Variants in ZNF644 observed in about 807,000 individuals in gnomAD.
The protein encoded by ZNF644 is zinc finger motif enhancer binding protein 2.
A neutral mutation model predicts 108.0 loss-of-function variants in ZNF644; 20 were observed. The observed-to-expected ratio is 0.19, with a 90% confidence interval of 0.13 to 0.27. ZNF644 has a LOEUF of 0.27. Among genes scored for constraint, ZNF644 ranks in the 10% least tolerant of loss-of-function variants. ZNF644 has a pLI of 1.00. For synonymous variants in ZNF644, 542 were observed against 539.1 expected (o/e 1.01, Z -0.08); for missense variants, 1,338 against 1,548.9 (o/e 0.86, Z 2.29).
At chr1:90,993,562 C>T (rs780431278) in intron 1 of ZNF644, among the ~76,000 whole-genome samples, 1 of 152,164 alleles carries the variant, frequency 6.6e-6, no homozygotes, top group Non-Finnish European at 1.5e-5. Context: ...TCTATCTTAA[C>T]AATACCATAA....
chr1:90,941,399 G>A, intron 2 of ZNF644, 90 bp from the exon 3 acceptor site: 1 of 1,180,724 alleles, frequency 8.5e-7, no homozygotes, highest in Admixed American at 2.6e-5. Context: ...ATTTTTATTA[G>A]TTTAATTTTC....
chr1:90,932,510 G>C (rs1650849190), intron 4 of ZNF644, among the ~76,000 whole-genome samples: 1 of 151,990 alleles, frequency 6.6e-6, no homozygotes, highest in African/African-American at 2.4e-5. Flanking sequence ...ATGTGTTCTT[G>C]AAAAATGATG....
intron 2 of ZNF644, among the ~76,000 whole-genome samples, chr1:90,974,865 C>G (rs648643): frequency 2.2e-4 from 34 of 152,332 alleles, no homozygotes; most frequent in Middle Eastern, 3.4e-3. Context: ...AATAGCCCAG[C>G]CTTACTCTCT....
chr1:90,942,927 C>T (rs1489976248), intron 2 of ZNF644, among the ~76,000 whole-genome samples: 1 of 152,064 alleles, frequency 6.6e-6, no homozygotes, highest in Non-Finnish European at 1.5e-5. Flanking sequence ...GTAAACAAGA[C>T]AAGTTAGGTT....
Position 90,939,372 on chromosome 1 carries a change from A to G in ZNF644, c.1982T>C (p.Val661Ala). ...FPKNSALKQD[V>A]KRTFGSTSQS... ...TGAGGTTGATCCAAATGTTCGCTTCACATCTTGTTTTAAAGCAGAGTTCTT... is the reference window on the plus strand; with the variant it reads ...TGAGGTTGATCCAAATGTTCGCTTCGCATCTTGTTTTAAAGCAGAGTTCTT... The change falls in exon 3 of 6, where the codon GTG (valine) becomes GCG (alanine). Residue 661 changes from valine (V) to alanine (A), a missense_variant. This residue lies in a region of ZNF644 where 462 missense variants were observed against 472.6 expected (regional missense o/e 0.98). Coordinates refer to ENST00000337393, the MANE Select transcript of ZNF644 (RefSeq NM_201269.3). 1 of 1,614,022 alleles carries G rather than the reference A, an allele frequency of 6.2e-7. No homozygotes were observed. Among genetic ancestry groups the G allele is most frequent in the Non-Finnish European group, 8.5e-7 (1 of 1,179,952 alleles).
intron 1 of ZNF644, among the ~76,000 whole-genome samples, chr1:91,011,392 T>C (rs949295763): frequency 6.6e-6 from 1 of 152,182 alleles, no homozygotes; most frequent in African/African-American, 2.4e-5. Flanking sequence ...TATTCATTCT[T>C]CAAAACCAGA....
intron 2 of ZNF644, among the ~76,000 whole-genome samples, chr1:90,955,972 C>T (rs192181123): frequency 2.6e-4 from 39 of 152,288 alleles, no homozygotes; most frequent in Non-Finnish European, 4.7e-4. Context: ...AGACATGTGA[C>T]TCATCCTTTC....
chr1:90,968,089 G>T (rs1655114686), intron 2 of ZNF644, among the ~76,000 whole-genome samples: 1 of 141,336 alleles, frequency 7.1e-6, no homozygotes, highest in African/African-American at 2.6e-5. Context: ...AAAAATCCAA[G>T]CTTATTTTAA....
intron 2 of ZNF644, among the ~76,000 whole-genome samples, chr1:90,952,246 C>T (rs1356286254): frequency 6.6e-6 from 1 of 152,066 alleles, no homozygotes; most frequent in Non-Finnish European, 1.5e-5. Context: ...TTTCTGTAAC[C>T]TTAATGAATT....
intron 2 of ZNF644, among the ~76,000 whole-genome samples, chr1:90,953,903 A>G (rs1653459865): frequency 6.6e-6 from 1 of 152,156 alleles, no homozygotes; most frequent in Admixed American, 6.5e-5. Flanking sequence ...ACAGAGCGAG[A>G]CTCTGTCTCA....
At chr1:90,922,697 C>T (rs546010580) in intron 4 of ZNF644, among the ~76,000 whole-genome samples, 30 of 152,132 alleles carry the variant, frequency 2.0e-4, no homozygotes, top group African/African-American at 7.0e-4. Context: ...GCAATAAGCA[C>T]AGTACCTGAT....
At chr1:90,989,185 A>C (rs1028079761) in intron 1 of ZNF644, among the ~76,000 whole-genome samples, 1 of 152,188 alleles carries the variant, frequency 6.6e-6, no homozygotes, top group Non-Finnish European at 1.5e-5. Context: ...AAAAGAAATG[A>C]CTGAATTTAA....
intron 1 of ZNF644, among the ~76,000 whole-genome samples, chr1:91,015,944 T>C (rs570307334): frequency 3.1e-4 from 47 of 152,324 alleles, no homozygotes; most frequent in African/African-American, 1.1e-3. Flanking sequence ...AATTATGTAA[T>C]ATCAACCCTA....
At position 90,971,439 on chromosome 1, in the gene ZNF644, G is replaced by A. The variant is rs185503811; in HGVS notation, c.44+10871C>T. On this transcript the variant is annotated intron_variant, in intron 2 of 5. Transcript: ENST00000337393. The stretch of plus-strand genomic sequence containing the variant: ...TCTTTCTTTCTTTTTTTTTGGTGGG[G>A]GGACAGAGTCTCACTATGTCACCCA... 9.9e-5 allele frequency among the ~76,000 whole-genome samples: 15 copies of A among 151,662 alleles called. No individual in the cohort carries two copies. The East Asian group carries it at 2.9e-3, about 29-fold the overall frequency.
intron 4 of ZNF644, among the ~76,000 whole-genome samples, chr1:90,931,566 A>G (rs1458679577): frequency 6.6e-6 from 1 of 152,138 alleles, no homozygotes; most frequent in Non-Finnish European, 1.5e-5. Context: ...ACACAGAAAA[A>G]TTATTAAACA....
chr1:91,010,650 ATCAT>A (rs1047980363), intron 1 of ZNF644, among the ~76,000 whole-genome samples: 15 of 152,148 alleles, frequency 9.9e-5, no homozygotes, highest in Non-Finnish European at 1.2e-4. Flanking sequence ...CTTATTACAG[ATCAT>A]TCATTTTATT....
intron 1 of ZNF644, among the ~76,000 whole-genome samples, chr1:90,991,965 A>G (rs960730855): frequency 1.3e-5 from 2 of 152,190 alleles, no homozygotes; most frequent in Non-Finnish European, 2.9e-5. Flanking sequence ...CTGCAACAGA[A>G]TATGTAGGAC....
rs1169965194 is a variant in ZNF644 at position 90,931,384 on chromosome 1, AC to A, written c.3688+6100del. ...GAACAAAATCTCAAAAAAAAAAAAA[AC>A]CCCTACCATTACTGCATTCCATAAA... On this transcript the variant is annotated intron_variant, in intron 4 of 5. Coordinates refer to ENST00000337393, the MANE Select transcript of ZNF644 (RefSeq NM_201269.3). 6.1e-4 allele frequency among the ~76,000 whole-genome samples: 84 copies of A among 137,384 alleles called. 3 individuals carry two copies. The East Asian group carries it at 8.5e-3, about 14-fold the overall frequency. The allele number at this position is 137,384 out of a possible 152,430, so 90.1% of individuals were successfully genotyped here.
At chr1:90,946,531 C>A (rs1652532059) in intron 2 of ZNF644, among the ~76,000 whole-genome samples, 1 of 151,950 alleles carries the variant, frequency 6.6e-6, no homozygotes, top group Non-Finnish European at 1.5e-5. Flanking sequence ...AAATAATGAG[C>A]AAAAAACTGA....
Sources: gnomAD v4.1 joint callset for allele counts (sites outside exome capture counted in the v4.1 genomes callset) on GRCh38, gnomAD v4.1.1 for gene constraint, gnomAD v4.1.1 regional missense constraint, MANE v1.5 for transcripts, NCBI Gene and HGNC (gene_info 2026-07-23, HGNC 2026-07-21) for gene names.